Variants in SPECC1 observed in about 807,000 individuals in gnomAD.
SPECC1 encodes the protein cytospin-B.
A neutral mutation model predicts 104.1 loss-of-function variants in SPECC1; 62 were observed. The ratio of observed to expected loss-of-function variants is 0.60; its 90% CI spans 0.49 to 0.74. The LOEUF (loss-of-function observed/expected upper bound fraction) is 0.74, where lower values mean the gene tolerates loss of function less well. Among genes scored for constraint, SPECC1 ranks in the 30% least tolerant of loss-of-function variants. The pLI is 0.00. For missense variants in SPECC1, 1,306 were observed against 1,310.5 expected (o/e 1.00, Z 0.05); for synonymous variants, 513 against 501.6 (o/e 1.02, Z -0.30).
At chr17:20,058,971 C>G (rs983887100) in intron 1 of SPECC1, among the ~76,000 whole-genome samples, 14 of 150,858 alleles carry the variant, frequency 9.3e-5, no homozygotes, top group Non-Finnish European at 1.8e-4. Flanking sequence ...TCTCGAGTAG[C>G]TGGGACTACA....
At chr17:20,309,011 G>A (rs1598180317) in intron 14 of SPECC1, among the ~76,000 whole-genome samples, 1 of 152,286 alleles carries the variant, frequency 6.6e-6, no homozygotes, top group South Asian at 2.1e-4. Flanking sequence ...GGAAGTGAAT[G>A]AGGTCATTTT....
chr17:20,191,516 T>G (rs1200790207), intron 3 of SPECC1, among the ~76,000 whole-genome samples: 4 of 148,722 alleles, frequency 2.7e-5, no homozygotes, highest in Non-Finnish European at 5.9e-5. Flanking sequence ...TAATTATACT[T>G]TAAGTTCTGG....
At chr17:20,174,367 A>G (rs2034313510) in intron 3 of SPECC1, among the ~76,000 whole-genome samples, 4 of 152,198 alleles carry the variant, frequency 2.6e-5, no homozygotes, top group South Asian at 2.1e-4. Flanking sequence ...CAGTTAGGAG[A>G]TAATTGATCT....
At chr17:20,288,581 C>G (rs1311985035) in intron 12 of SPECC1, among the ~76,000 whole-genome samples, 2 of 152,104 alleles carry the variant, frequency 1.3e-5, no homozygotes, top group Non-Finnish European at 2.9e-5. Context: ...AGTCAAGAAA[C>G]AACAGATGCT....
chr17:20,069,824 A>G (rs2046483351), intron 1 of SPECC1, among the ~76,000 whole-genome samples: 1 of 151,908 alleles, frequency 6.6e-6, no homozygotes, highest in Admixed American at 6.6e-5. Context: ...TTTATAATTA[A>G]CATTTATAAA....
At position 20,158,326 on chromosome 17, in the gene SPECC1, C is replaced by T. The variant is rs1597841337; in HGVS notation, c.284-46007C>T. ...GTTCCCGTATTGTGTCAGTTTTGTC[C>T]ATGGAGAACAGACATTTAGAATTAA... On this transcript the variant is annotated intron_variant, in intron 3 of 14. Transcript: ENST00000395527. Among the ~76,000 whole-genome samples the T allele has an allele frequency of 3.3e-5, 5 of 152,260 alleles. No individual in the cohort carries two copies. The South Asian group carries it at 1.0e-3, about 32-fold the overall frequency.
rs3072413 is a variant in SPECC1 at position 20,308,389 on chromosome 17, C to CAAAAAA, written c.3117+2324_3117+2329dup. The stretch of plus-strand genomic sequence containing the variant: ...GGGTGACAAGAGCGAAACTCCATCT[C>CAAAAAA]AAAAAAAAAAAAAAAAAAAAAATTC... On this transcript the variant is annotated intron_variant, in intron 14 of 14. Transcript: ENST00000395527. Among the ~76,000 whole-genome samples, 245 of 66,086 alleles carry CAAAAAA rather than the reference C, an allele frequency of 3.7e-3. 8 individuals are homozygous for CAAAAAA. The highest frequency in any genetic ancestry group is 0.011 in the African/African-American group (149 of 13,916). The allele number at this position is 66,086 out of a possible 152,430, so 43.4% of individuals were successfully genotyped here. A position where few individuals can be genotyped will look rare whatever the true frequency, so the allele number is the denominator to read the frequency against.
intron 3 of SPECC1, among the ~76,000 whole-genome samples, chr17:20,189,646 C>T (rs2035523622): frequency 6.6e-6 from 1 of 152,104 alleles, no homozygotes; most frequent in Admixed American, 6.6e-5. Context: ...AGGCCTGAGC[C>T]CCTTCTTAGT....
At chr17:20,017,614 C>T (rs1458063563) in intron 1 of SPECC1, 1 of 152,270 alleles carries the variant, frequency 6.6e-6, no homozygotes, top group African/African-American at 2.4e-5. Flanking sequence ...AAGTAGGTAA[C>T]CATTGTTGTT....
intron 14 of SPECC1, among the ~76,000 whole-genome samples, chr17:20,309,180 A>G (rs982018768): frequency 6.6e-6 from 1 of 152,126 alleles, no homozygotes; most frequent in African/African-American, 2.4e-5. Context: ...ACATTCTTAA[A>G]TTTGCTTTTC....
At chr17:20,158,800 C>T (rs969127131) in intron 3 of SPECC1, among the ~76,000 whole-genome samples, 23 of 152,278 alleles carry the variant, frequency 1.5e-4, no homozygotes, top group African/African-American at 5.1e-4. Context: ...TGACTGTCAC[C>T]TGGGGTGGAG....
chr17:20,115,201 A>G lies in SPECC1; in HGVS notation c.283+4639A>G, dbSNP rs1314052899. 9.9e-5 allele frequency among the ~76,000 whole-genome samples: 15 copies of G among 152,234 alleles called. 1 individual carries two copies. Among genetic ancestry groups the G allele is most frequent in the Non-Finnish European group, 2.1e-4 (14 of 68,040 alleles). On this transcript the variant is annotated intron_variant, in intron 3 of 14. Coordinates refer to ENST00000395527, the MANE Select transcript of SPECC1 (RefSeq NM_001243439.2). ...TATAAAAATTTGAGATCAGCCGGGCACGGTGGCTCACACCTGTAATCCCAG... is the reference window on the plus strand; with the variant it reads ...TATAAAAATTTGAGATCAGCCGGGCGCGGTGGCTCACACCTGTAATCCCAG...
chr17:20,165,889 G>GT lies in SPECC1; in HGVS notation c.284-38434dup, dbSNP rs1015456737. Among the ~76,000 whole-genome samples, 1,334 of 149,178 alleles carry GT rather than the reference G, an allele frequency of 8.9e-3. 13 individuals are homozygous for GT. Among genetic ancestry groups the GT allele is most frequent in the Middle Eastern group, 0.038 (11 of 286 alleles). On this transcript the variant is annotated intron_variant, in intron 3 of 14. Coordinates refer to ENST00000395527, the MANE Select transcript of SPECC1 (RefSeq NM_001243439.2). ...ATGTCCTTTGCCCACTTTTTAATGG[G>GT]TTTTTTTTTTCTTGTAAATTTGTTT...
At chr17:20,131,639 C>CTTTT (rs541723505) in intron 3 of SPECC1, among the ~76,000 whole-genome samples, 3 of 117,984 alleles carry the variant, frequency 2.5e-5, no homozygotes, top group Non-Finnish European at 3.6e-5. Context: ...CAGTCTTCTT[C>CTTTT]TTTTTTTTTT....
chr17:20,124,188 G>A (rs1203338553), intron 3 of SPECC1, among the ~76,000 whole-genome samples: 2 of 151,868 alleles, frequency 1.3e-5, no homozygotes, highest in African/African-American at 2.4e-5. Flanking sequence ...GGAAGAGGAT[G>A]CCAGGTCCTG....
At position 20,133,887 on chromosome 17, in the gene SPECC1, C is replaced by T. The variant is rs541235345; in HGVS notation, c.283+23325C>T. 3.4e-4 allele frequency among the ~76,000 whole-genome samples: 52 copies of T among 152,218 alleles called. 1 individual carries two copies. Among genetic ancestry groups the T allele is most frequent in the Middle Eastern group, 3.4e-3 (1 of 294 alleles). On this transcript the variant is annotated intron_variant, in intron 3 of 14. Transcript: ENST00000395527. Reference sequence around the variant, plus strand: ...GTGGGCAGTGGTACAACTCACAAACCCTCACAGCGTTCAGACGCACTCTTT... The same window carrying T: ...GTGGGCAGTGGTACAACTCACAAACTCTCACAGCGTTCAGACGCACTCTTT...
At chr17:20,240,999 G>A (rs1483047453) in intron 7 of SPECC1, among the ~76,000 whole-genome samples, 1 of 152,222 alleles carries the variant, frequency 6.6e-6, no homozygotes, top group African/African-American at 2.4e-5. Flanking sequence ...GCAGATCCAG[G>A]TGTGGCAGGG....
intron 12 of SPECC1, among the ~76,000 whole-genome samples, chr17:20,279,235 A>T (rs2151662597): frequency 6.6e-6 from 1 of 152,260 alleles, no homozygotes; most frequent in East Asian, 1.9e-4. Flanking sequence ...ATGGCAAGAC[A>T]CTTATGATTT....
rs144994400 is a variant in SPECC1, at chr17:20,187,043, AT to A, written c.284-17280del. ...GGACCAGATGTGTTTTGAACTTTGG[AT>A]TTTTTTTTTGTATTTTGGAATACTT... On this transcript the variant is annotated intron_variant, in intron 3 of 14. Coordinates refer to ENST00000395527, the MANE Select transcript of SPECC1 (RefSeq NM_001243439.2). Among the ~76,000 whole-genome samples the A allele has an allele frequency of 1.5e-4, 23 of 149,468 alleles. No homozygotes were observed. In the East Asian group the frequency reaches 1.8e-3, roughly 11 times the overall value.
Sources: allele counts gnomAD v4.1 joint callset (sites outside exome capture counted in the v4.1 genomes callset), GRCh38; gene constraint gnomAD v4.1.1; transcripts MANE v1.5; gene names NCBI Gene and HGNC (gene_info 2026-07-23, HGNC 2026-07-21).